Variants in GNAL observed in about 807,000 individuals in gnomAD.
The protein encoded by GNAL is G protein subunit alpha L.
A neutral mutation model predicts 55.1 loss-of-function variants in GNAL; 18 were observed. That is an observed-to-expected ratio of 0.33 (90% CI 0.23 to 0.48). GNAL has a LOEUF of 0.48. Among genes scored for constraint, GNAL ranks in the 20% least tolerant of loss-of-function variants. The pLI is 0.99. For synonymous variants in GNAL, 253 were observed against 237.0 expected, an observed-to-expected ratio of 1.07 and a Z score of -0.62; for missense variants, 412 against 614.1, an observed-to-expected ratio of 0.67 and a Z score of 3.48.
Position 11,885,281 on chromosome 18 carries a change from T to C in GNAL, c.*4146T>C, listed in dbSNP as rs2037025799. The C allele has an allele frequency of 3.6e-6, 1 of 277,552 alleles. No homozygotes were observed. Among genetic ancestry groups the C allele is most frequent in the Non-Finnish European group, 7.0e-6 (1 of 143,124 alleles). 17.2% of individuals were successfully genotyped at this position (277,552 alleles called of 1,614,324 possible). On this transcript the variant is annotated 3_prime_UTR_variant, in exon 12 of 12. Transcript: ENST00000334049. ...TTAAGTGAAACATCTTTTATCAACC[T>C]GCAAAAGCTGCAGCGTTCTCTGCCA...
intron 1 of GNAL, among the ~76,000 whole-genome samples, chr18:11,743,147 A>G (rs959547343): frequency 4.6e-5 from 7 of 152,176 alleles, no homozygotes; most frequent in Non-Finnish European, 8.8e-5. Context: ...GAATTCCAAC[A>G]TGGGATCAGT....
At chr18:11,753,141 G>A (rs967836256) in intron 2 of GNAL, among the ~76,000 whole-genome samples, 7 of 152,042 alleles carry the variant, frequency 4.6e-5, no homozygotes, top group African/African-American at 1.7e-4. Flanking sequence ...AACAAAATAT[G>A]ATTTATAGGT....
chr18:11,842,586 C>G (rs919711520), intron 5 of GNAL, among the ~76,000 whole-genome samples: 2 of 151,898 alleles, frequency 1.3e-5, no homozygotes, highest in African/African-American at 4.8e-5. Flanking sequence ...ATTCGATTCT[C>G]ATAAGGAGCA....
At chr18:11,814,898 C>CA (rs1260063707) in intron 4 of GNAL, among the ~76,000 whole-genome samples, 1,266 of 85,812 alleles carry the variant, frequency 0.015, 12 homozygotes, top group African/African-American at 0.028. Flanking sequence ...AACTCCATCT[C>CA]AAAAAAAAAA....
Position 11,709,330 on chromosome 18 carries a change from TA to T in GNAL, c.376+19409del, listed in dbSNP as rs56700086. On this transcript the variant is annotated intron_variant, in intron 1 of 11. Transcript: ENST00000334049. ...TTTAGGACTGTTTTCTCTATTTTTG[TA>T]AAAAAAAAAAAAAAAAAGTCATTAG... Among the ~76,000 whole-genome samples, 700 of 138,320 alleles carry T rather than the reference TA, an allele frequency of 5.1e-3. 6 individuals are homozygous for T. Among genetic ancestry groups the T allele is most frequent in the Middle Eastern group, 0.019 (5 of 268 alleles). 90.7% of individuals were successfully genotyped at this position (138,320 alleles called of 152,430 possible).
At chr18:11,722,937 G>A (rs917901379) in intron 1 of GNAL, among the ~76,000 whole-genome samples, 1 of 151,562 alleles carries the variant, frequency 6.6e-6, no homozygotes, top group East Asian at 1.9e-4. Flanking sequence ...CTTGAACCTG[G>A]GAGGCGGAGG....
At chr18:11,723,516 C>G (rs749819614) in intron 1 of GNAL, among the ~76,000 whole-genome samples, 1 of 152,186 alleles carries the variant, frequency 6.6e-6, no homozygotes, top group East Asian at 1.9e-4. Context: ...TTATCAAGAA[C>G]GATAACTACC....
chr18:11,874,987 A>C (rs112107153), intron 10 of GNAL, among the ~76,000 whole-genome samples: 23 of 152,350 alleles, frequency 1.5e-4, no homozygotes, highest in African/African-American at 4.8e-4. Context: ...TGTGTCGCCT[A>C]GATCTCAGAT....
chr18:11,856,651 C>T (rs948123300), intron 5 of GNAL, among the ~76,000 whole-genome samples: 3 of 151,884 alleles, frequency 2.0e-5, no homozygotes, highest in East Asian at 1.9e-4. Context: ...ACAGGTGGGG[C>T]GTGGTGGCTC....
intron 1 of GNAL, among the ~76,000 whole-genome samples, chr18:11,730,445 C>A (rs1444562170): frequency 6.6e-6 from 1 of 151,840 alleles, no homozygotes; most frequent in Non-Finnish European, 1.5e-5. Context: ...CAGGTGTGAG[C>A]CACCATACCT....
At chr18:11,846,406 T>TATATATAAATATATAAATAC (rs1330306298) in intron 5 of GNAL, among the ~76,000 whole-genome samples, 15 of 147,458 alleles carry the variant, frequency 1.0e-4, no homozygotes, top group Non-Finnish European at 1.5e-4. Flanking sequence ...ATCATTTTTT[T>TATATATAAATATATAAATAC]ATATATAAAT....
intron 4 of GNAL, among the ~76,000 whole-genome samples, chr18:11,754,396 G>A (rs534089847): frequency 4.7e-5 from 7 of 150,380 alleles, no homozygotes; most frequent in Non-Finnish European, 8.8e-5. Context: ...CAGCCTGGGC[G>A]ACAGAGCGAG....
intron 5 of GNAL, among the ~76,000 whole-genome samples, chr18:11,850,306 A>G (rs553425992): frequency 1.3e-5 from 2 of 152,170 alleles, no homozygotes; most frequent in Non-Finnish European, 2.9e-5. Flanking sequence ...ATGTCTTCAG[A>G]AGGTCTTGTG....
intron 1 of GNAL, among the ~76,000 whole-genome samples, chr18:11,721,429 A>G (rs995223703): frequency 6.6e-6 from 1 of 152,114 alleles, no homozygotes; most frequent in African/African-American, 2.4e-5. Flanking sequence ...ATTCAAGTTC[A>G]CTGAATTAAT....
rs545992479 is a variant in GNAL, at chr18:11,832,703, C to G, written c.722+7688C>G. On this transcript the variant is annotated intron_variant, in intron 5 of 11. Transcript: ENST00000334049. ...TGAAACCCCATCTCTACTAAAATTGCAGAAATTAGCCGGGCATGGTGGTGC... is the reference window on the plus strand; with the variant it reads ...TGAAACCCCATCTCTACTAAAATTGGAGAAATTAGCCGGGCATGGTGGTGC... 3.9e-5 allele frequency among the ~76,000 whole-genome samples: 6 copies of G among 152,020 alleles called. No homozygotes were observed. In the South Asian group the frequency reaches 1.2e-3, roughly 32 times the overall value.
chr18:11,819,205 CTGTT>C (rs371587948), intron 4 of GNAL, among the ~76,000 whole-genome samples: 409 of 152,314 alleles, frequency 2.7e-3, no homozygotes, highest in African/African-American at 9.0e-3. Flanking sequence ...TTATTGTCAT[CTGTT>C]TGTTTGCATT....
intron 1 of GNAL, among the ~76,000 whole-genome samples, chr18:11,739,417 A>G (rs544709495): frequency 6.4e-4 from 97 of 152,180 alleles, no homozygotes; most frequent in Middle Eastern, 6.8e-3. Context: ...GTGTGTTTCT[A>G]GGGGCAGGGT....
chr18:11,877,517 C>G (rs1026799598), intron 11 of GNAL, among the ~76,000 whole-genome samples: 5 of 152,202 alleles, frequency 3.3e-5, no homozygotes, highest in Admixed American at 2.6e-4. Context: ...CAAAAATTTG[C>G]CACATATGCT....
chr18:11,766,098 A>G (rs1431674544), intron 4 of GNAL, among the ~76,000 whole-genome samples: 1 of 152,240 alleles, frequency 6.6e-6, no homozygotes, highest in Non-Finnish European at 1.5e-5. Flanking sequence ...TCTTATGCCA[A>G]ATTAAGACTT....
Sources: gnomAD v4.1 joint callset for allele counts (sites outside exome capture counted in the v4.1 genomes callset) on GRCh38, gnomAD v4.1.1 for gene constraint, MANE v1.5 for transcripts, NCBI Gene and HGNC (gene_info 2026-07-23, HGNC 2026-07-21) for gene names.